The following SHROOM3 variants were observed in gnomAD, a reference collection of about 807,000 sequenced individuals.
SHROOM3 encodes the protein shroom family member 3, also known as protein Shroom3.
SHROOM3 carries 47 observed loss-of-function variants against 138.6 expected under a neutral mutation model. That is an observed-to-expected ratio of 0.34 (90% CI 0.27 to 0.43). The LOEUF is 0.43. SHROOM3 is among the 20% of genes least tolerant of loss of function. SHROOM3 has a pLI of 1.00. For synonymous variants in SHROOM3, 1,062 were observed against 1,063.3 expected (o/e 1.00, Z 0.02); for missense variants, 2,491 against 2,596.5 (o/e 0.96, Z 0.88).
intron 1 of SHROOM3, among the ~76,000 whole-genome samples, chr4:76,481,169 C>T (rs754500654): frequency 1.3e-5 from 2 of 151,974 alleles, no homozygotes; most frequent in Non-Finnish European, 2.9e-5. Context: ...ACGAAAAACC[C>T]TTCAAAAAAT....
intron 2 of SHROOM3, among the ~76,000 whole-genome samples, chr4:76,562,304 T>C (rs1467275560): frequency 6.6e-6 from 1 of 152,118 alleles, no homozygotes; most frequent in African/African-American, 2.4e-5. Flanking sequence ...GAATTCACCG[T>C]CCCATGTTTC....
chr4:76,653,430 G>T (rs1736002402), intron 2 of SHROOM3, among the ~76,000 whole-genome samples: 1 of 151,686 alleles, frequency 6.6e-6, no homozygotes, highest in African/African-American at 2.4e-5. Context: ...ATTGCAGGAT[G>T]TCCTCTGGGA....
intron 1 of SHROOM3, among the ~76,000 whole-genome samples, chr4:76,467,828 G>A (rs528768070): frequency 6.6e-6 from 1 of 152,312 alleles, no homozygotes; most frequent in African/African-American, 2.4e-5. Flanking sequence ...TGGGCTTGAG[G>A]GAAGTTAGTA....
intron 1 of SHROOM3, among the ~76,000 whole-genome samples, chr4:76,463,306 T>C (rs1202670869): frequency 2.0e-5 from 3 of 152,186 alleles, no homozygotes; most frequent in Admixed American, 1.3e-4. Context: ...TTGAGAGAAA[T>C]GATTTAGGGT....
intron 1 of SHROOM3, among the ~76,000 whole-genome samples, chr4:76,444,470 ATCTC>A (rs1730761917): frequency 2.4e-5 from 3 of 126,824 alleles, no homozygotes; most frequent in Non-Finnish European, 4.9e-5. Context: ...CAGTTTCCTC[ATCTC>A]TCTTTCTTTC....
intron 1 of SHROOM3, among the ~76,000 whole-genome samples, chr4:76,461,941 G>A (rs1731150096): frequency 1.3e-5 from 2 of 152,180 alleles, no homozygotes; most frequent in South Asian, 4.1e-4. Context: ...TAAGTCTTTG[G>A]TGGTGGCATT....
intron 1 of SHROOM3, among the ~76,000 whole-genome samples, chr4:76,540,459 A>AG (rs1273812895): frequency 1.3e-5 from 2 of 152,228 alleles, no homozygotes; most frequent in Admixed American, 6.5e-5. Flanking sequence ...CTAAACACGT[A>AG]GGGGAAGCTT....
Position 76,779,059 on chromosome 4 carries a change from C to T in SHROOM3, c.5873C>T (p.Ser1958Leu). Residue 1958 changes from serine to leucine, a missense_variant, in exon 11 of 11, where the codon TCA becomes TTA. Transcript: ENST00000296043. ...AAGTGTCTGCTGGAGAGCCTGCCCT[C>T]AGATTTCATTCCCAAGGCTGGGGCC... ...QVKCLLESLP[S>L]DFIPKAGALA... The T allele has an allele frequency of 6.2e-7, 1 of 1,614,218 alleles. No individual in the cohort carries two copies. Among genetic ancestry groups the T allele is most frequent in the Non-Finnish European group, 8.5e-7 (1 of 1,180,034 alleles).
chr4:76,626,906 A>G (rs1181571416), intron 2 of SHROOM3, among the ~76,000 whole-genome samples: 1 of 152,190 alleles, frequency 6.6e-6, no homozygotes, highest in Non-Finnish European at 1.5e-5. Flanking sequence ...GTATACCATG[A>G]TGACATCATG....
intron 2 of SHROOM3, among the ~76,000 whole-genome samples, chr4:76,682,395 C>T (rs1014908148): frequency 7.9e-5 from 12 of 152,308 alleles, no homozygotes; most frequent in South Asian, 2.1e-4. Flanking sequence ...GATCAACTGA[C>T]GTCACCCCCA....
chr4:76,648,071 T>C (rs1259836602), intron 2 of SHROOM3, among the ~76,000 whole-genome samples: 3 of 152,190 alleles, frequency 2.0e-5, no homozygotes, highest in Non-Finnish European at 4.4e-5. Flanking sequence ...CTCATACCTG[T>C]GGTCCCAGCA....
chr4:76,543,972 C>G (rs1206496950), intron 1 of SHROOM3, among the ~76,000 whole-genome samples: 2 of 152,232 alleles, frequency 1.3e-5, no homozygotes, highest in Admixed American at 1.3e-4. Flanking sequence ...TTATTAGCCA[C>G]TAGTGCCCTA....
chr4:76,599,646 T>G (rs1734463002), intron 2 of SHROOM3, among the ~76,000 whole-genome samples: 1 of 152,232 alleles, frequency 6.6e-6, no homozygotes, highest in Non-Finnish European at 1.5e-5. Flanking sequence ...AGTTGAATGG[T>G]CCTGGGTTTG....
intron 1 of SHROOM3, among the ~76,000 whole-genome samples, chr4:76,471,368 T>G (rs926339553): frequency 1.3e-5 from 2 of 151,980 alleles, no homozygotes; most frequent in Admixed American, 1.3e-4. Context: ...CTCAGCCTCC[T>G]GAGTAGCTGG....
At position 76,520,150 on chromosome 4, in the gene SHROOM3, G is replaced by A. The variant is rs566408459; in HGVS notation, c.169-35459G>A. On this transcript the variant is annotated intron_variant, in intron 1 of 10. Coordinates refer to ENST00000296043, the MANE Select transcript of SHROOM3 (RefSeq NM_020859.4). ...TTCAGATAACTCTGACCATTAAAAT[G>A]ATGTCCCCTGTACATTAAGCCCAAA... 1.8e-4 allele frequency among the ~76,000 whole-genome samples: 27 copies of A among 152,252 alleles called. No individual in the cohort carries two copies. In the South Asian group the frequency reaches 5.6e-3, roughly 32 times the overall value.
At chr4:76,531,729 C>G (rs923060711) in intron 1 of SHROOM3, among the ~76,000 whole-genome samples, 3 of 152,108 alleles carry the variant, frequency 2.0e-5, no homozygotes, top group African/African-American at 7.2e-5. Context: ...GTCACTTTGG[C>G]CAGCATTTGG....
At chr4:76,490,416 A>AT (rs374072270) in intron 1 of SHROOM3, among the ~76,000 whole-genome samples, 65 of 150,732 alleles carry the variant, frequency 4.3e-4, no homozygotes, top group African/African-American at 1.0e-3. Context: ...GTCTTTTTGT[A>AT]TTTTTTTTTC....
intron 2 of SHROOM3, among the ~76,000 whole-genome samples, chr4:76,708,800 T>C (rs1199742173): frequency 6.6e-6 from 1 of 152,178 alleles, no homozygotes; most frequent in Non-Finnish European, 1.5e-5. Flanking sequence ...ATGGTTTCAC[T>C]TTACCGTGGA....
chr4:76,516,861 C>T (rs889782350), intron 1 of SHROOM3, among the ~76,000 whole-genome samples: 1 of 152,210 alleles, frequency 6.6e-6, no homozygotes, highest in Non-Finnish European at 1.5e-5. Context: ...TTTGAGAACT[C>T]CCTCTGAGCT....
Sources: allele counts gnomAD v4.1 joint callset (sites outside exome capture counted in the v4.1 genomes callset), GRCh38; gene constraint gnomAD v4.1.1; transcripts MANE v1.5; gene names NCBI Gene and HGNC (gene_info 2026-07-23, HGNC 2026-07-21).